Variants in SYT1 observed in about 807,000 individuals in gnomAD.
SYT1 encodes synaptotagmin-1.
SYT1 carries 8 observed loss-of-function variants against 44.8 expected under a neutral mutation model. The observed-to-expected ratio is 0.18, with a 90% CI of 0.10 to 0.32. The LOEUF is 0.32. Ranked by LOEUF, SYT1 falls within the 10% of genes least tolerant of loss-of-function variation. The probability of loss-of-function intolerance (pLI) is 1.00; values close to 1 mark genes in which losing one functional copy is unlikely to be tolerated. For missense variants in SYT1, 286 were observed against 509.3 expected (o/e 0.56, Z 4.22); for synonymous variants, 154 against 188.8 (o/e 0.82, Z 1.51).
intron 4 of SYT1, among the ~76,000 whole-genome samples, chr12:79,218,620 A>G (rs1021159314): frequency 6.6e-6 from 1 of 152,148 alleles, no homozygotes; most frequent in Admixed American, 6.5e-5. Flanking sequence ...GAGTGAGATC[A>G]TGTATTATTT....
chr12:79,403,474 G>C (rs1305452722), intron 9 of SYT1, among the ~76,000 whole-genome samples: 1 of 152,134 alleles, frequency 6.6e-6, no homozygotes, highest in East Asian at 1.9e-4. Flanking sequence ...GCTTCTAACT[G>C]ATTGGATAAA....
chr12:79,053,881 A>C (rs1874730558), intron 3 of SYT1, among the ~76,000 whole-genome samples: 1 of 151,986 alleles, frequency 6.6e-6, no homozygotes, highest in East Asian at 1.9e-4. Flanking sequence ...ATCCAGAAAA[A>C]AAATTCTCTT....
At chr12:79,282,192 G>C (rs1361113017) in intron 4 of SYT1, among the ~76,000 whole-genome samples, 1 of 152,140 alleles carries the variant, frequency 6.6e-6, no homozygotes, top group Non-Finnish European at 1.5e-5. Flanking sequence ...CACTTGCAAA[G>C]TCCCTCTTAC....
At chr12:78,913,177 GTTTTA>G (rs1191291239) in intron 1 of SYT1, among the ~76,000 whole-genome samples, 2 of 151,286 alleles carry the variant, frequency 1.3e-5, no homozygotes, top group Non-Finnish European at 3.0e-5. Flanking sequence ...TCATAGATAT[GTTTTA>G]TTTAATTATT....
rs1389012186 is a variant in SYT1, at chr12:79,141,925, G to A, written c.-17-75578G>A. On this transcript the variant is annotated intron_variant, in intron 3 of 10. Coordinates refer to ENST00000261205, the MANE Select transcript of SYT1 (RefSeq NM_005639.3). ...CTTGGGTTTCTTTCTTCAGGGTGCTGCCCAAGTGCATCAGAACCCTGTTTA... is the reference window on the plus strand; with the variant it reads ...CTTGGGTTTCTTTCTTCAGGGTGCTACCCAAGTGCATCAGAACCCTGTTTA... Among the ~76,000 whole-genome samples the A allele has an allele frequency of 2.0e-5, 3 of 152,176 alleles. No individual in the cohort carries two copies. The East Asian group carries it at 5.8e-4, about 29-fold the overall frequency.
At chr12:79,255,156 T>C (rs1877443663) in intron 4 of SYT1, among the ~76,000 whole-genome samples, 1 of 152,200 alleles carries the variant, frequency 6.6e-6, no homozygotes, top group Non-Finnish European at 1.5e-5. Flanking sequence ...AGTTGGTTGA[T>C]GCAGCAAACT....
rs77830088 is a variant in SYT1 at position 79,011,059 on chromosome 12, G to A, written c.-84+33128G>A. On this transcript the variant is annotated intron_variant, in intron 2 of 10. Coordinates refer to ENST00000261205, the MANE Select transcript of SYT1 (RefSeq NM_005639.3). Reference sequence around the variant, plus strand: ...GTTGAGAAGTTCTTACAGAATTTGCGTTCTATTTCTTAAAAGAAATAATGG... The same window carrying A: ...GTTGAGAAGTTCTTACAGAATTTGCATTCTATTTCTTAAAAGAAATAATGG... Among the ~76,000 whole-genome samples, 826 of 152,192 alleles carry A rather than the reference G, an allele frequency of 5.4e-3. 44 individuals carry two copies. The East Asian group carries it at 0.14, about 25-fold the overall frequency.
intron 9 of SYT1, among the ~76,000 whole-genome samples, chr12:79,443,837 T>C (rs972834779): frequency 6.6e-6 from 1 of 152,192 alleles, no homozygotes; most frequent in Non-Finnish European, 1.5e-5. Flanking sequence ...AGAGCTGGTT[T>C]ACCAGCATAC....
chr12:79,437,678 G>C (rs1234337838), intron 9 of SYT1, among the ~76,000 whole-genome samples: 1 of 152,120 alleles, frequency 6.6e-6, no homozygotes, highest in Non-Finnish European at 1.5e-5. Flanking sequence ...TTATTTGTTT[G>C]GGATATAGCT....
At chr12:79,368,319 C>T (rs1462863759) in intron 9 of SYT1, among the ~76,000 whole-genome samples, 1 of 152,074 alleles carries the variant, frequency 6.6e-6, no homozygotes, top group Non-Finnish European at 1.5e-5. Context: ...TGGATTGGTT[C>T]CAAGTCTTTG....
rs1486427821 is a variant in SYT1, at chr12:79,005,720, A to G, written c.-84+27789A>G. On this transcript the variant is annotated intron_variant, in intron 2 of 10. Transcript: ENST00000261205. ...AGAGGCAGTTAAACAAGCATTGGCC[A>G]TGCAGTTTACTAATTACCAAGCCAG... Among the ~76,000 whole-genome samples the G allele has an allele frequency of 9.2e-5, 14 of 152,280 alleles. No individual in the cohort carries two copies. In the South Asian group the frequency reaches 2.9e-3, roughly 32 times the overall value.
intron 1 of SYT1, among the ~76,000 whole-genome samples, chr12:78,920,211 T>C (rs893035542): frequency 2.0e-5 from 3 of 151,962 alleles, no homozygotes; most frequent in African/African-American, 7.2e-5. Flanking sequence ...TATAATTAGG[T>C]TAATAATGTA....
In SYT1 at chr12:78,987,087, C is replaced by T. The variant is rs773992675; in HGVS notation, c.-84+9156C>T. Among the ~76,000 whole-genome samples the T allele has an allele frequency of 4.6e-5, 7 of 151,984 alleles. No homozygotes were observed. In the East Asian group the frequency reaches 5.8e-4, roughly 13 times the overall value. On this transcript the variant is annotated intron_variant, in intron 2 of 10. Transcript: ENST00000261205. ...CACCTTAAATTTCAGATGCTTCCAT[C>T]GTTCAAAATATTCTGCTGTTTGTTT... is the stretch of plus-strand genomic sequence containing the variant.
intron 1 of SYT1, among the ~76,000 whole-genome samples, chr12:78,923,093 C>A (rs1054496100): frequency 1.3e-5 from 2 of 151,922 alleles, no homozygotes; most frequent in Non-Finnish European, 2.9e-5. Context: ...TACAGTATAT[C>A]ATCCAAACCA....
chr12:79,237,633 C>A (rs1279291839), intron 4 of SYT1, among the ~76,000 whole-genome samples: 1 of 152,092 alleles, frequency 6.6e-6, no homozygotes, highest in African/African-American at 2.4e-5. Flanking sequence ...ACTCCAGCTC[C>A]AGAAGCTGCC....
intron 2 of SYT1, among the ~76,000 whole-genome samples, chr12:79,039,651 T>C (rs1270626389): frequency 6.6e-6 from 1 of 151,482 alleles, no homozygotes; most frequent in Non-Finnish European, 1.5e-5. Flanking sequence ...CTTTAAGTTT[T>C]AGGGTACATG....
intron 8 of SYT1, among the ~76,000 whole-genome samples, chr12:79,328,994 C>G (rs1467998945): frequency 6.6e-6 from 1 of 152,140 alleles, no homozygotes; most frequent in Non-Finnish European, 1.5e-5. Flanking sequence ...CAGGTTTCCT[C>G]ATGGACTTTG....
intron 3 of SYT1, among the ~76,000 whole-genome samples, chr12:79,159,239 A>T (rs1870796328): frequency 1.3e-5 from 2 of 152,184 alleles, no homozygotes; most frequent in Admixed American, 1.3e-4. Flanking sequence ...CGCAAAATGT[A>T]GAAATTAGGT....
At chr12:79,316,115 A>G (rs1175672519) in intron 8 of SYT1, among the ~76,000 whole-genome samples, 2 of 152,190 alleles carry the variant, frequency 1.3e-5, no homozygotes, top group African/African-American at 2.4e-5. Flanking sequence ...TGTAACACCA[A>G]TCAAGCTACA....
Sources: gnomAD v4.1 joint callset for allele counts (sites outside exome capture counted in the v4.1 genomes callset) on GRCh38, gnomAD v4.1.1 for gene constraint, MANE v1.5 for transcripts, NCBI Gene and HGNC (gene_info 2026-07-23, HGNC 2026-07-21) for gene names.